Variants in NUP210 observed in about 807,000 individuals in gnomAD.
NUP210 encodes the protein nuclear pore membrane glycoprotein 210.
Under a neutral mutation model 196.0 loss-of-function variants are expected in NUP210, and 151 were observed. The ratio of observed to expected loss-of-function variants is 0.77; its 90% CI spans 0.67 to 0.88. The LOEUF (loss-of-function observed/expected upper bound fraction) is 0.88. NUP210 is among the 40% of genes least tolerant of loss of function. The pLI is 0.00. For missense variants in NUP210, 2,314 were observed against 2,493.7 expected (o/e 0.93, Z 1.53); for synonymous variants, 1,070 against 1,052.7 (o/e 1.02, Z -0.32).
intron 29 of NUP210, 42 bp downstream of exon 29, chr3:13,332,251 C>T (rs1214751026): frequency 5.9e-6 from 9 of 1,533,640 alleles, no homozygotes; most frequent in Non-Finnish European, 8.1e-6. Context: ...GATGCAAGCA[C>T]AGCCGCACAA....
At position 13,397,499 on chromosome 3, in the gene NUP210, C is replaced by T; in HGVS notation, c.305-11G>A. ...GGACCTGGCCTGTGGCTGGAGGAAC[C>T]CCAGGAAGGGGTCAGCACCAAAGAC... On this transcript the variant is annotated splice_polypyrimidine_tract_variant and intron_variant, in intron 2 of 39. Transcript: ENST00000254508. 6.3e-7 allele frequency: 1 copy of T among 1,586,458 alleles called. No individual in the cohort carries two copies. The highest frequency in any genetic ancestry group is 1.4e-5 in the African/African-American group (1 of 73,832).
chr3:13,369,201 C>T (rs1029357101), intron 13 of NUP210, among the ~76,000 whole-genome samples: 3 of 152,150 alleles, frequency 2.0e-5, no homozygotes, highest in East Asian at 1.9e-4. Flanking sequence ...AGCATCTTCC[C>T]GTGTGCTTAT....
chr3:13,386,262 G>C lies in NUP210; in HGVS notation c.817+13C>G. The C allele has an allele frequency of 6.2e-7, 1 of 1,610,978 alleles. No individual in the cohort carries two copies. ...AGGAAGCATCTGTCATGATGGCAGA[G>C]CCAATGACACACCTGTAATTTTCCC... On this transcript the variant is annotated intron_variant, in intron 6 of 39. Coordinates refer to ENST00000254508, the MANE Select transcript of NUP210 (RefSeq NM_024923.4).
At chr3:13,328,474 C>T (rs942073714) in intron 31 of NUP210, among the ~76,000 whole-genome samples, 4 of 152,174 alleles carry the variant, frequency 2.6e-5, no homozygotes, top group East Asian at 3.8e-4. Context: ...TGTGGGCAGC[C>T]GAAGCTGAAG....
chr3:13,318,912 C>T (rs780424830), intron 39 of NUP210, among the ~76,000 whole-genome samples, 160 bp downstream of exon 39: 7 of 152,222 alleles, frequency 4.6e-5, no homozygotes, highest in African/African-American at 1.7e-4. Flanking sequence ...CCCTCTGCCC[C>T]GACCCTCCTG....
At chr3:13,368,666 G>A (rs1033307259) in intron 13 of NUP210, among the ~76,000 whole-genome samples, 1 of 152,202 alleles carries the variant, frequency 6.6e-6, no homozygotes, top group Non-Finnish European at 1.5e-5. Context: ...TCTCATACAA[G>A]TGGGATCATA....
intron 16 of NUP210, among the ~76,000 whole-genome samples, chr3:13,355,419 A>G (rs927410930): frequency 3.3e-5 from 5 of 152,174 alleles, no homozygotes; most frequent in Admixed American, 1.3e-4. Context: ...TCCACAGCCC[A>G]TGTCTTGGAA....
At chr3:13,317,923 G>C (rs981080279) in intron 39 of NUP210, 142 bp from the exon 40 acceptor site, 11 of 622,024 alleles carry the variant, frequency 1.8e-5, no homozygotes, top group South Asian at 7.7e-5. Flanking sequence ...GCCAGCAGAG[G>C]GAAGTCCACG....
intron 27 of NUP210, 45 bp from the exon 28 acceptor site, chr3:13,335,657 C>T: frequency 6.3e-7 from 1 of 1,599,556 alleles, no homozygotes; most frequent in Non-Finnish European, 8.5e-7. Context: ...GCCCAGGCCC[C>T]TGTGTCCTCA....
chr3:13,324,376 C>A (rs1464882358), intron 33 of NUP210, among the ~76,000 whole-genome samples: 1 of 152,188 alleles, frequency 6.6e-6, no homozygotes, highest in African/African-American at 2.4e-5. Flanking sequence ...CCCTGTCCAG[C>A]CTTCCTCACA....
At position 13,417,009 on chromosome 3, in the gene NUP210, T is replaced by C. The variant is rs1303101768; in HGVS notation, c.167+3051A>G. Among the ~76,000 whole-genome samples, 3 of 152,274 alleles carry C rather than the reference T, an allele frequency of 2.0e-5. No individual in the cohort carries two copies. In the East Asian group the frequency reaches 5.8e-4, roughly 29 times the overall value. On this transcript the variant is annotated intron_variant, in intron 1 of 39. Coordinates refer to ENST00000254508, the MANE Select transcript of NUP210 (RefSeq NM_024923.4). ...TAAAAGGAGCAAATGTAATATACTT[T>C]ATGGAACACTTTCAATAATGCAAAA...
Position 13,342,142 on chromosome 3 carries a change from G to T in NUP210, c.2965-19C>A, listed in dbSNP as rs781644361. ...TCTCCACCTGCATCATGGGGACAGA[G>T]GTTCAGGGGCAGCCTCCAAAAGACC... On this transcript the variant is annotated intron_variant, in intron 21 of 39. Transcript: ENST00000254508. 25 of 1,613,626 alleles carry T rather than the reference G, an allele frequency of 1.5e-5. No homozygotes were observed. Among genetic ancestry groups the T allele is most frequent in the Non-Finnish European group, 2.1e-5 (25 of 1,179,794 alleles).
chr3:13,324,845 T>TGCTGAGCACTGGCTATGA (rs1696681148), intron 33 of NUP210, among the ~76,000 whole-genome samples: 1 of 152,240 alleles, frequency 6.6e-6, no homozygotes, highest in Admixed American at 6.5e-5. Flanking sequence ...AGCTAATTTC[T>TGCTGAGCACTGGCTATGA]GCTGAGCACT....
At chr3:13,368,532 A>G (rs1403062121) in intron 13 of NUP210, among the ~76,000 whole-genome samples, 1 of 152,162 alleles carries the variant, frequency 6.6e-6, no homozygotes, top group African/African-American at 2.4e-5. Context: ...CATCCACACA[A>G]CTCTTCAACT....
Position 13,334,415 on chromosome 3 carries a change from T to A in NUP210, c.3843+1039A>T, listed in dbSNP as rs77029301. ...CTATGTATGTGTGTCTGTGTGTGCA[T>A]GTGTGTCGTGTGTGTGTGCATGTGC... On this transcript the variant is annotated intron_variant, in intron 28 of 39. Transcript: ENST00000254508. Among the ~76,000 whole-genome samples, 119 of 152,204 alleles carry A rather than the reference T, an allele frequency of 7.8e-4. 2 individuals carry two copies. In the East Asian group the frequency reaches 0.018, roughly 22 times the overall value.
intron 33 of NUP210, 59 bp downstream of exon 33, chr3:13,325,736 G>A: frequency 1.3e-6 from 2 of 1,588,290 alleles, no homozygotes; most frequent in South Asian, 2.2e-5. Context: ...CCTCCCAGAA[G>A]GTCAGGCCCG....
In NUP210 at chr3:13,371,857, T is replaced by C; in HGVS notation, c.1763A>G (p.Gln588Arg). The C allele has an allele frequency of 6.2e-7, 1 of 1,608,146 alleles. No homozygotes were observed. Among genetic ancestry groups the C allele is most frequent in the South Asian group, 1.1e-5 (1 of 90,060 alleles). Residue 588 changes from glutamine (Q) to arginine (R), a missense_variant, in exon 13 of 40, where the codon CAG becomes CGG. Gln to Arg is a conservative substitution (Grantham distance 43). Coordinates refer to ENST00000254508, the MANE Select transcript of NUP210 (RefSeq NM_024923.4). ...HFDLAVEVENQGVFQPLPGRL... is the reference protein window; with the variant it reads ...HFDLAVEVENRGVFQPLPGRL... Reference sequence around the variant, plus strand: ...ACCTGGGAGTGGCTGGAACACACCCTGGTTCTCCACCTCGACAGCCAAGTC... The same window carrying C: ...ACCTGGGAGTGGCTGGAACACACCCCGGTTCTCCACCTCGACAGCCAAGTC...
intron 14 of NUP210, among the ~76,000 whole-genome samples, chr3:13,362,423 G>T (rs1166988631): frequency 6.6e-6 from 1 of 152,148 alleles, no homozygotes; most frequent in Non-Finnish European, 1.5e-5. Flanking sequence ...CTATGAGGAA[G>T]GAAGCCCTCA....
intron 20 of NUP210, among the ~76,000 whole-genome samples, chr3:13,343,546 A>G (rs1421135289): frequency 2.0e-5 from 3 of 152,224 alleles, no homozygotes; most frequent in Admixed American, 6.5e-5. Context: ...GGCTTGGGAT[A>G]TAACACATTA....
Sources: allele counts gnomAD v4.1 joint callset (sites outside exome capture counted in the v4.1 genomes callset), GRCh38; gene constraint gnomAD v4.1.1; transcripts MANE v1.5; gene names NCBI Gene and HGNC (gene_info 2026-07-23, HGNC 2026-07-21).